Variants in IFNLR1 observed in about 807,000 individuals in gnomAD.
The protein encoded by IFNLR1 is CRF2-12.
In IFNLR1, 28 loss-of-function variants were observed where a neutral mutation model predicts 52.5. That is an observed-to-expected ratio of 0.53 (90% CI 0.40 to 0.73). The LOEUF (loss-of-function observed/expected upper bound fraction) is 0.73. Among genes scored for constraint, IFNLR1 ranks in the 30% least tolerant of loss-of-function variants. The probability of loss-of-function intolerance (pLI) is 0.00; values close to 1 mark genes in which losing one functional copy is unlikely to be tolerated. For synonymous variants in IFNLR1, 276 were observed against 274.9 expected (o/e 1.00, Z -0.04); for missense variants, 623 against 659.1 (o/e 0.95, Z 0.60).
At chr1:24,186,259 G>A (rs958317470) in intron 1 of IFNLR1, among the ~76,000 whole-genome samples, 2 of 152,150 alleles carry the variant, frequency 1.3e-5, no homozygotes, top group Non-Finnish European at 2.9e-5. Flanking sequence ...GGAGGCAAAA[G>A]CTAGCCAGGC....
chr1:24,161,189 C>G (rs927618012), intron 4 of IFNLR1, among the ~76,000 whole-genome samples: 1 of 152,184 alleles, frequency 6.6e-6, no homozygotes, highest in African/African-American at 2.4e-5. Context: ...TCTGCCAGCC[C>G]TTGCCATAAA....
At chr1:24,186,430 G>A (rs1644739690) in intron 1 of IFNLR1, among the ~76,000 whole-genome samples, 1 of 152,158 alleles carries the variant, frequency 6.6e-6, no homozygotes, top group Non-Finnish European at 1.5e-5. Context: ...ATAATGCGGT[G>A]CCTGGCACAA....
At chr1:24,163,011 A>G (rs932693220) in intron 3 of IFNLR1, among the ~76,000 whole-genome samples, 1 of 119,908 alleles carries the variant, frequency 8.3e-6, no homozygotes. Flanking sequence ...CCCAGGCTGG[A>G]GTGCAACGGG....
At chr1:24,179,536 C>G (rs1160779559) in intron 2 of IFNLR1, among the ~76,000 whole-genome samples, 1 of 152,218 alleles carries the variant, frequency 6.6e-6, no homozygotes. Flanking sequence ...TCCCATCACT[C>G]ACATGTGGAT....
rs577149387 is a variant in IFNLR1 at position 24,158,361 on chromosome 1, C to T, written c.802-470G>A. 1.4e-4 allele frequency among the ~76,000 whole-genome samples: 21 copies of T among 152,330 alleles called. No homozygotes were observed. The South Asian group carries it at 4.4e-3, about 32-fold the overall frequency. On this transcript the variant is annotated intron_variant, in intron 6 of 6. Coordinates refer to ENST00000327535, the MANE Select transcript of IFNLR1 (RefSeq NM_170743.4). Reference sequence around the variant, plus strand: ...GGAAGGCTGAGGGCACGGGGCAGGGCACAGACATGTCTACCCGAGGTTGTC... The same window carrying T: ...GGAAGGCTGAGGGCACGGGGCAGGGTACAGACATGTCTACCCGAGGTTGTC...
chr1:24,179,607 G>C (rs1241346632), intron 2 of IFNLR1, among the ~76,000 whole-genome samples: 1 of 152,172 alleles, frequency 6.6e-6, no homozygotes, highest in Non-Finnish European at 1.5e-5. Context: ...AGTCGGACCC[G>C]AGTTCCCCTT....
At chr1:24,175,708 G>A (rs10903042) in intron 2 of IFNLR1, among the ~76,000 whole-genome samples, 38,160 of 152,060 alleles carry the variant, frequency 0.25, 5,753 homozygotes, top group Non-Finnish European at 0.32. Context: ...CAAGGCAGGC[G>A]GATCACCTGA....
At chr1:24,185,991 C>A (rs1012977489) in intron 1 of IFNLR1, among the ~76,000 whole-genome samples, 3 of 152,206 alleles carry the variant, frequency 2.0e-5, no homozygotes, top group East Asian at 1.9e-4. Flanking sequence ...AGTATTTGAA[C>A]TTAGATCTGG....
chr1:24,162,879 C>CTTT (rs1557644373), intron 3 of IFNLR1, among the ~76,000 whole-genome samples: 631 of 53,132 alleles, frequency 0.012, 28 homozygotes, highest in African/African-American at 0.016. Context: ...TTCTTTCTTT[C>CTTT]CTTCCTTCCT....
chr1:24,184,349 G>A (rs111547142), intron 1 of IFNLR1, among the ~76,000 whole-genome samples: 101 of 152,192 alleles, frequency 6.6e-4, no homozygotes, highest in African/African-American at 2.4e-3. Flanking sequence ...CCTTCTCACT[G>A]TTAATCTTCA....
At chr1:24,167,558 T>C (rs930865423) in intron 3 of IFNLR1, among the ~76,000 whole-genome samples, 1 of 152,072 alleles carries the variant, frequency 6.6e-6, no homozygotes, top group Non-Finnish European at 1.5e-5. Flanking sequence ...GTAACTTTTG[T>C]ATTTTTAGTA....
At chr1:24,180,672 TCCAGCCCCCACCC>T in intron 2 of IFNLR1, 46 bp downstream of exon 2, 2 of 432,142 alleles carry the variant, frequency 4.6e-6, no homozygotes, top group Non-Finnish European at 8.8e-6. Context: ...GAGAAGCCCC[TCCAGCCCCCACCC>T]ACCCCCTCAG....
At chr1:24,162,724 TTTTCTTTCTTTCTTTC>T (rs869032994) in intron 3 of IFNLR1, among the ~76,000 whole-genome samples, 5 of 32,470 alleles carry the variant, frequency 1.5e-4, no homozygotes, top group African/African-American at 6.3e-4. Flanking sequence ...TCTTTCTTTC[TTTTCTTTCTTTCTTTC>T]TTTCTTTCTT....
At chr1:24,169,090 A>G (rs1179714209) in intron 3 of IFNLR1, among the ~76,000 whole-genome samples, 1 of 151,860 alleles carries the variant, frequency 6.6e-6, no homozygotes, top group Admixed American at 6.6e-5. Context: ...GCTGAACATA[A>G]AAAATAGGAA....
rs1644444140 is a variant in IFNLR1 at position 24,161,617 on chromosome 1, G to A, written c.435C>T (p.Tyr145=). ...GTGGGGGCATGCAGGGGGGCAGCTG[G>A]TACGTGGCATTGGCACTCAGGATCT... ...TEEILSANAT[Y]QLPPCMPPLD... is the part of the protein sequence containing the mutation. Residue 145 remains tyrosine, a synonymous_variant, in exon 4 of 7, where the codon TAC becomes TAT. Coordinates refer to ENST00000327535, the MANE Select transcript of IFNLR1 (RefSeq NM_170743.4). 8 of 1,552,102 alleles carry A rather than the reference G, an allele frequency of 5.2e-6. No individual in the cohort carries two copies. The East Asian group carries it at 1.9e-4, about 37-fold the overall frequency.
chr1:24,169,088 T>TA (rs36067957), intron 3 of IFNLR1, among the ~76,000 whole-genome samples: 59,529 of 151,962 alleles, frequency 0.39, 12,097 homozygotes, highest in Middle Eastern at 0.5. Context: ...AAGCTGAACA[T>TA]AAAAAATAGG....
chr1:24,159,189 A>T lies in IFNLR1; in HGVS notation c.671-7T>A, dbSNP rs1644413787. On this transcript the variant is annotated splice_polypyrimidine_tract_variant and splice_region_variant and intron_variant, in intron 5 of 6. Transcript: ENST00000327535. Reference sequence around the variant, plus strand: ...AGGAAAGCCCAGTTGGCTTCTAAGGAAGGAAAAATAACAATGAGAGAAACA... The same window carrying T: ...AGGAAAGCCCAGTTGGCTTCTAAGGTAGGAAAAATAACAATGAGAGAAACA... 1.9e-6 allele frequency: 3 copies of T among 1,613,910 alleles called. No homozygotes were observed. The highest frequency in any genetic ancestry group is 2.5e-6 in the Non-Finnish European group (3 of 1,179,916).
At chr1:24,168,923 T>C (rs1644548557) in intron 3 of IFNLR1, among the ~76,000 whole-genome samples, 1 of 152,074 alleles carries the variant, frequency 6.6e-6, no homozygotes, top group Non-Finnish European at 1.5e-5. Flanking sequence ...TTTGTATTTT[T>C]AGTAAAGACG....
intron 2 of IFNLR1, among the ~76,000 whole-genome samples, chr1:24,176,375 G>A (rs1468978067): frequency 6.6e-6 from 1 of 152,234 alleles, no homozygotes; most frequent in African/African-American, 2.4e-5. Context: ...TTTCTGGGGT[G>A]ATAGAGAACG....
Sources: gnomAD v4.1 joint callset for allele counts (sites outside exome capture counted in the v4.1 genomes callset) on GRCh38, gnomAD v4.1.1 for gene constraint, MANE v1.5 for transcripts, NCBI Gene and HGNC (gene_info 2026-07-23, HGNC 2026-07-21) for gene names.